CDC73: variants seen among roughly 807,000 people sequenced by gnomAD.
CDC73 encodes the protein parafibromin.
In CDC73, 21 loss-of-function variants were observed where a neutral mutation model predicts 83.7. The observed-to-expected ratio is 0.25, with a 90% CI of 0.18 to 0.36. The LOEUF (loss-of-function observed/expected upper bound fraction) is 0.36, where lower values mean the gene tolerates loss of function less well. CDC73 is among the 10% of genes least tolerant of loss of function. The pLI is 1.00. For synonymous variants in CDC73, 224 were observed against 212.9 expected (o/e 1.05, Z -0.45); for missense variants, 342 against 653.3 (o/e 0.52, Z 5.19).
chr1:193,192,611 G>A (rs1325141390), intron 10 of CDC73, among the ~76,000 whole-genome samples: 1 of 152,154 alleles, frequency 6.6e-6, no homozygotes, highest in South Asian at 2.1e-4. Flanking sequence ...CAGTGTAAAG[G>A]AACTTTGCGA....
chr1:193,177,858 T>C (rs2103155548), intron 10 of CDC73, among the ~76,000 whole-genome samples: 1 of 152,316 alleles, frequency 6.6e-6, no homozygotes, highest in South Asian at 2.1e-4. Context: ...TTTGGTTGAA[T>C]TAGAATTTCA....
At chr1:193,161,671 C>A (rs1255327872) in intron 10 of CDC73, among the ~76,000 whole-genome samples, 540 of 27,830 alleles carry the variant, frequency 0.019, 139 homozygotes, top group African/African-American at 0.084. Flanking sequence ...ATATATCTAT[C>A]ATATAATATA....
At chr1:193,217,543 T>C (rs1400236278) in intron 13 of CDC73, among the ~76,000 whole-genome samples, 1 of 152,082 alleles carries the variant, frequency 6.6e-6, no homozygotes, top group East Asian at 1.9e-4. Flanking sequence ...TGGTGTGCTC[T>C]TGACCACCAA....
chr1:193,173,388 G>A (rs1478328321), intron 10 of CDC73, among the ~76,000 whole-genome samples: 1 of 151,740 alleles, frequency 6.6e-6, no homozygotes, highest in Non-Finnish European at 1.5e-5. Flanking sequence ...TTTTTCTAAA[G>A]TATTTAAATG....
At chr1:193,140,049 C>T (rs1350405457) in intron 6 of CDC73, among the ~76,000 whole-genome samples, 1 of 152,214 alleles carries the variant, frequency 6.6e-6, no homozygotes, top group Non-Finnish European at 1.5e-5. Flanking sequence ...GAATTCTAAA[C>T]ACCTTGGTCT....
chr1:193,172,296 T>G (rs1676529700), intron 10 of CDC73, among the ~76,000 whole-genome samples: 1 of 151,146 alleles, frequency 6.6e-6, no homozygotes, highest in Non-Finnish European at 1.5e-5. Context: ...TGCTAAGATA[T>G]CCAACTGATT....
chr1:193,213,221 A>G (rs1677307370), intron 13 of CDC73, among the ~76,000 whole-genome samples: 1 of 152,210 alleles, frequency 6.6e-6, no homozygotes, highest in Non-Finnish European at 1.5e-5. Flanking sequence ...TATAGTTTAC[A>G]GAAGAAAGAT....
At chr1:193,222,546 A>G (rs557707396) in intron 13 of CDC73, among the ~76,000 whole-genome samples, 1 of 152,182 alleles carries the variant, frequency 6.6e-6, no homozygotes, top group Non-Finnish European at 1.5e-5. Context: ...TGTTTTGATG[A>G]TAAGTTAGTT....
chr1:193,179,688 TAAAAG>T (rs896893223), intron 10 of CDC73: 1 of 152,540 alleles, frequency 6.6e-6, no homozygotes, highest in African/African-American at 2.4e-5. Context: ...AAAGTATTAA[TAAAAG>T]AAATTTAAAA....
At chr1:193,244,271 G>A (rs955168891) in intron 15 of CDC73, among the ~76,000 whole-genome samples, 10 of 152,238 alleles carry the variant, frequency 6.6e-5, no homozygotes, top group Admixed American at 2.0e-4. Flanking sequence ...ATCACCTGCC[G>A]AACAATCCAG....
rs140679875 is a variant in CDC73, at chr1:193,237,687, C to T, written c.1417+1331C>T. ...AAGTGTGTTGACTCAAAGCCTTTGT[C>T]ATTAAATCTGTAATAAAAAGATGCT... On this transcript the variant is annotated intron_variant, in intron 15 of 16. Transcript: ENST00000367435. Among the ~76,000 whole-genome samples the T allele has an allele frequency of 1.4e-4, 22 of 152,182 alleles. No individual in the cohort carries two copies. In the East Asian group the frequency reaches 4.2e-3, roughly 29 times the overall value.
chr1:193,181,367 C>T (rs781051676), intron 10 of CDC73: 2 of 1,614,008 alleles, frequency 1.2e-6, no homozygotes, highest in South Asian at 2.2e-5. Context: ...GACCGAAATC[C>T]TCGGAAAGTG....
At chr1:193,136,399 G>T in intron 5 of CDC73, 1 of 193,996 alleles carries the variant, frequency 5.2e-6, no homozygotes. Flanking sequence ...TCTGAGAAAT[G>T]GATCTGATAT....
Position 193,147,946 on chromosome 1 carries a change from C to T in CDC73, c.809C>T (p.Ala270Val). The T allele has an allele frequency of 1.2e-6, 2 of 1,611,660 alleles. No individual in the cohort carries two copies. The highest frequency in any genetic ancestry group is 2.2e-5 in the East Asian group (1 of 44,854). Reference sequence around the variant, plus strand: ...GGGCGTGCACCTGAACAGCGACCTGCCCCAAATGCAGCACCTGTGGTAAGA... The same window carrying T: ...GGGCGTGCACCTGAACAGCGACCTGTCCCAAATGCAGCACCTGTGGTAAGA... ...EEGRAPEQRPAPNAAPVDPTL... is the reference protein window; with the variant it reads ...EEGRAPEQRPVPNAAPVDPTL... Residue 270 changes from alanine (A) to valine (V), a missense_variant, in exon 8 of 17, where the codon GCC becomes GTC. Around this residue, in one of 3 missense-constraint regions of CDC73, gnomAD observed 239 missense variants for 420.6 expected, o/e 0.57. Transcript: ENST00000367435.
At chr1:193,239,668 A>C (rs1050969840) in intron 15 of CDC73, among the ~76,000 whole-genome samples, 3 of 152,164 alleles carry the variant, frequency 2.0e-5, no homozygotes, top group Non-Finnish European at 4.4e-5. Flanking sequence ...ATTTTGTTAC[A>C]TGGATAGAAT....
At chr1:193,231,641 A>G (rs558278533) in intron 13 of CDC73, among the ~76,000 whole-genome samples, 17 of 152,314 alleles carry the variant, frequency 1.1e-4, no homozygotes, top group African/African-American at 4.1e-4. Context: ...TTTAAATGAT[A>G]TAGAAATCTT....
chr1:193,142,862 A>C (rs1675930663), intron 7 of CDC73, among the ~76,000 whole-genome samples: 1 of 152,162 alleles, frequency 6.6e-6, no homozygotes, highest in Non-Finnish European at 1.5e-5. Context: ...ATTTTCATGG[A>C]TCTCCAAAAA....
chr1:193,162,285 T>C (rs1676346802), intron 10 of CDC73, among the ~76,000 whole-genome samples: 1 of 128,470 alleles, frequency 7.8e-6, no homozygotes, highest in Non-Finnish European at 1.6e-5. Flanking sequence ...ATATAGTATA[T>C]ATGATATATT....
intron 10 of CDC73, among the ~76,000 whole-genome samples, chr1:193,200,073 A>C (rs1260666744): frequency 6.6e-6 from 1 of 151,718 alleles, no homozygotes; most frequent in Admixed American, 6.6e-5. Flanking sequence ...CCAAAAAAAA[A>C]AAAAACAAAA....
Sources: allele counts gnomAD v4.1 joint callset (sites outside exome capture counted in the v4.1 genomes callset), GRCh38; gene constraint gnomAD v4.1.1; regional missense constraint gnomAD v4.1.1; transcripts MANE v1.5; gene names NCBI Gene and HGNC (gene_info 2026-07-23, HGNC 2026-07-21).